Variants in MAGEC1 observed in about 807,000 individuals in gnomAD.
The protein encoded by MAGEC1 is melanoma-associated antigen C1.
A neutral mutation model predicts 1.5 loss-of-function variants in MAGEC1; 3 were observed. The ratio of observed to expected loss-of-function variants is 1.97; its 90% CI spans 0.90 to 5.10. MAGEC1 has a LOEUF of 5.10. Ranked by LOEUF, MAGEC1 falls within the 30% of genes most tolerant of loss-of-function variation. MAGEC1 has a pLI of 0.02. For missense variants in MAGEC1, 985 were observed against 803.1 expected (o/e 1.23, Z -2.74); for synonymous variants, 357 against 310.4 (o/e 1.15, Z -1.58).
At position 141,906,722 on chromosome X, in the gene MAGEC1, C is replaced by A. The variant is rs1480895438; in HGVS notation, c.1318C>A (p.Gln440Lys). The A allele has an allele frequency of 8.3e-7, 1 of 1,204,670 alleles. No homozygotes were observed. Among genetic ancestry groups the A allele is most frequent in the South Asian group, 1.8e-5 (1 of 56,414 alleles). The change falls in exon 4 of 4, where the codon CAG becomes AAG. Residue 440 changes from glutamine (Q) to lysine (K), a missense_variant. By Grantham distance (53) the Gln-to-Lys change is moderately conservative (BLOSUM62 1). Transcript: ENST00000285879. ...SAQSAFEGFP[Q>K]SPLQIPVSSS... ...TCAAAGTGCTTTTGAGGGTTTTCCC[C>A]AGTCTCCTCTCCAGATTCCTGTGAG...
rs1269790237 is a variant in MAGEC1 at position 141,907,585 on chromosome X, T to G, written c.2181T>G (p.Pro727=). The change falls in exon 4 of 4, where the codon CCT becomes CCG. Residue 727 remains proline (P), a synonymous_variant. Coordinates refer to ENST00000285879, the MANE Select transcript of MAGEC1 (RefSeq NM_005462.5). ...ACTCCCTCTCTCCTCTCCACTTTCC[T>G]CAGTTTCCTCCTCAGGGGGAGGACT... The part of the protein sequence containing the change: ...WEDSLSPLHF[P]QFPPQGEDFQ... The G allele has an allele frequency of 2.5e-6, 3 of 1,207,421 alleles. No homozygotes were observed. The highest frequency in any genetic ancestry group is 3.4e-6 in the Non-Finnish European group (3 of 893,699).
In MAGEC1 at chrX:141,906,175, G is replaced by C. The variant is rs143440588; in HGVS notation, c.771G>C (p.Gln257His). 9.4e-4 allele frequency: 632 copies of C among 671,640 alleles called. 88 individuals carry two copies. Among genetic ancestry groups the C allele is most frequent in the East Asian group, 5.1e-3 (140 of 27,367 alleles). The allele number at this position is 671,640 out of a possible 1,213,427, so 55.4% of individuals were successfully genotyped here. ...SLFQSFSERT[Q>H]STFEGFAQSS... ...TCCAGAGTTTCTCTGAGAGAACTCA[G>C]AGTACTTTTGAGGGTTTTGCCCAGT... The change falls in exon 4 of 4, where the codon CAG (glutamine) becomes CAC (histidine). Residue 257 changes from glutamine to histidine, a missense_variant. Gln to His is a conservative substitution (Grantham distance 24). Transcript: ENST00000285879.
rs745439865 is a variant in MAGEC1 at position 141,908,559 on chromosome X, A to T, written c.3155A>T (p.His1052Leu). 1 of 1,197,890 alleles carries T rather than the reference A, an allele frequency of 8.3e-7. No homozygotes were observed. Among genetic ancestry groups the T allele is most frequent in the Non-Finnish European group, 1.1e-6 (1 of 888,435 alleles). The change falls in exon 4 of 4, where the codon CAT becomes CTT. Residue 1052 changes from histidine (H) to leucine (L), a missense_variant. His to Leu is a moderately conservative substitution (Grantham distance 99). Coordinates refer to ENST00000285879, the MANE Select transcript of MAGEC1 (RefSeq NM_005462.5). ...ELLTKVWVQE[H>L]YLEYREVPNS... ...CTCACTAAAGTTTGGGTGCAGGAAC[A>T]TTACCTAGAGTACCGGGAGGTGCCC...
intron 3 of MAGEC1, 129 bp downstream of exon 3, chrX:141,905,205 T>TAAAG: frequency 9.4e-7 from 1 of 1,062,777 alleles, no homozygotes; most frequent in Middle Eastern, 2.5e-4. Context: ...CCTCTCTTTC[T>TAAAG]AAACCTTCCA....
Position 141,906,830 on chromosome X carries a change from T to C in MAGEC1, c.1426T>C (p.Ser476Pro). The C allele has an allele frequency of 8.3e-7, 1 of 1,206,178 alleles. No homozygotes were observed. Reference sequence around the variant, plus strand: ...CAGTACTTTTGAGGGTTTTCCCCAGTCTCCTCTCCAGATTCCTGTGAGCTC... The same window carrying C: ...CAGTACTTTTGAGGGTTTTCCCCAGCCTCCTCTCCAGATTCCTGTGAGCTC... The part of the protein sequence containing the change: ...THSTFEGFPQ[S>P]PLQIPVSSSS... Residue 476 changes from serine (S) to proline (P), a missense_variant, in exon 4 of 4, where the codon TCT (serine) becomes CCT (proline). Physicochemically the swap from Ser to Pro is moderately conservative, Grantham distance 74 (BLOSUM62 -1). Transcript: ENST00000285879.
rs1199562653 is a variant in MAGEC1 at position 141,906,463 on chromosome X, T to C, written c.1059T>C (p.Ile353=). The change falls in exon 4 of 4, where the codon ATT becomes ATC. Residue 353 remains isoleucine, a synonymous_variant. Coordinates refer to ENST00000285879, the MANE Select transcript of MAGEC1 (RefSeq NM_005462.5). ...CCTTCTCCTCTACTTTATTGAGTAT[T>C]TTCCAGAGTTCTCCTGAGAGTGCTC... is the stretch of plus-strand genomic sequence containing the variant. ...TSSFSSTLLS[I]FQSSPESAQS... 1 of 1,199,233 alleles carries C rather than the reference T, an allele frequency of 8.3e-7. No homozygotes were observed. The highest frequency in any genetic ancestry group is 1.1e-6 in the Non-Finnish European group (1 of 888,377).
At chrX:141,904,206 T>A (rs888073216) in intron 1 of MAGEC1, among the ~76,000 whole-genome samples, 2 of 111,608 alleles carry the variant, frequency 1.8e-5, no homozygotes, top group African/African-American at 6.5e-5. Context: ...GAGGACAGAT[T>A]CCCAGAGATT....
rs140267088 is a variant in MAGEC1, at chrX:141,907,166, G to A, written c.1762G>A (p.Asp588Asn). ...HYFPQSPQGE[D>N]SLSPHYFPQS... ...CTTTCCTCAGAGCCCTCAGGGGGAG[G>A]ACTCCCTGTCTCCTCACTACTTTCC... The change falls in exon 4 of 4, where the codon GAC becomes AAC. Residue 588 changes from aspartate (D) to asparagine (N), a missense_variant. Physicochemically the swap from Asp to Asn is conservative, Grantham distance 23. Coordinates refer to ENST00000285879, the MANE Select transcript of MAGEC1 (RefSeq NM_005462.5). 10 of 1,206,452 alleles carry A rather than the reference G, an allele frequency of 8.3e-6. No individual in the cohort carries two copies. In the African/African-American group the frequency reaches 1.2e-4, roughly 15 times the overall value.
In MAGEC1 at chrX:141,907,824, A is replaced by G. The variant is rs759881102; in HGVS notation, c.2420A>G (p.Gln807Arg). The G allele has an allele frequency of 8.3e-7, 1 of 1,208,809 alleles. No individual in the cohort carries two copies. Among genetic ancestry groups the G allele is most frequent in the East Asian group, 3.0e-5 (1 of 33,658 alleles). The stretch of plus-strand genomic sequence containing the variant: ...CAGAGTCCTCCTGAGGGGCCTGCCC[A>G]GTCTCCTCTCCAGAGTCCTGTGAGC... ...SPQSPPEGPA[Q>R]SPLQSPVSSF... The change falls in exon 4 of 4, where the codon CAG becomes CGG. Residue 807 changes from glutamine to arginine, a missense_variant. Transcript: ENST00000285879.
Position 141,908,907 on chromosome X carries a change from G to A in MAGEC1, c.*74G>A, listed in dbSNP as rs1927045749. 4.3e-6 allele frequency: 4 copies of A among 924,273 alleles called. No individual in the cohort carries two copies. Among genetic ancestry groups the A allele is most frequent in the Non-Finnish European group, 5.9e-6 (4 of 674,334 alleles). The allele number at this position is 924,273 out of a possible 1,213,427, so 76.2% of individuals were successfully genotyped here. A position where few individuals can be genotyped will look rare whatever the true frequency, so the allele number is the denominator to read the frequency against. ...TCTACGTGGTGGAGGGCCTGGTTGA[G>A]GCTGGAGAGAACACAGTGCTATTTG... On this transcript the variant is annotated 3_prime_UTR_variant, in exon 4 of 4. Transcript: ENST00000285879.
At position 141,905,631 on chromosome X, in the gene MAGEC1, C is replaced by T. The variant is rs1407971652; in HGVS notation, c.227C>T (p.Ser76Phe). ...CAGAGACCTCCTGAGGGGAAGGACT[C>T]CCAGTCTCCTCTCCAGATTCCCCAG... is the stretch of plus-strand genomic sequence containing the variant. The part of the protein sequence containing the change: ...PLQRPPEGKD[S>F]QSPLQIPQSS... The change falls in exon 4 of 4, where the codon TCC (serine) becomes TTC (phenylalanine). Residue 76 changes from serine (S) to phenylalanine (F), a missense_variant. Transcript: ENST00000285879. The T allele has an allele frequency of 8.3e-7, 1 of 1,208,565 alleles. No homozygotes were observed. The highest frequency in any genetic ancestry group is 1.1e-6 in the Non-Finnish European group (1 of 894,492).
chrX:141,907,459 G>A lies in MAGEC1; in HGVS notation c.2055G>A (p.Gly685=), dbSNP rs1442238301. Reference sequence around the variant, plus strand: ...AGAGTCCTGAGAGTGCTCCTGAGGGGGAGGATTCCCTGTCTCCTCTCCAAA... The same window carrying A: ...AGAGTCCTGAGAGTGCTCCTGAGGGAGAGGATTCCCTGTCTCCTCTCCAAA... ...PLQSPESAPE[G]EDSLSPLQIP... Residue 685 remains glycine (G), a synonymous_variant, in exon 4 of 4, where the codon GGG becomes GGA. Transcript: ENST00000285879. The A allele has an allele frequency of 1.0e-5, 12 of 1,202,284 alleles. No individual in the cohort carries two copies. Among genetic ancestry groups the A allele is most frequent in the South Asian group, 1.8e-5 (1 of 56,251 alleles).
chrX:141,904,863 G>C (rs1602639220), intron 2 of MAGEC1, 49 bp downstream of exon 2: 2 of 500,572 alleles, frequency 4.0e-6, no homozygotes, highest in East Asian at 7.2e-5. Context: ...CCCAGAAACA[G>C]GGCAGACCTG....
rs774002066 is a variant in MAGEC1 at position 141,907,587 on chromosome X, A to T, written c.2183A>T (p.Gln728Leu). Residue 728 changes from glutamine (Q) to leucine (L), a missense_variant, in exon 4 of 4, where the codon CAG becomes CTG. Gln to Leu is a moderately radical substitution (Grantham distance 113). Transcript: ENST00000285879. ...EDSLSPLHFP[Q>L]FPPQGEDFQS... ...TCCCTCTCTCCTCTCCACTTTCCTC[A>T]GTTTCCTCCTCAGGGGGAGGACTTC... is the stretch of plus-strand genomic sequence containing the variant. 6.7e-6 allele frequency: 8 copies of T among 1,202,307 alleles called. No individual in the cohort carries two copies. The highest frequency in any genetic ancestry group is 9.0e-6 in the Non-Finnish European group (8 of 891,864).
Position 141,908,914 on chromosome X carries a change from G to A in MAGEC1, c.*81G>A. ...GGTGGAGGGCCTGGTTGAGGCTGGA[G>A]AGAACACAGTGCTATTTGCATTTCT... On this transcript the variant is annotated 3_prime_UTR_variant, in exon 4 of 4. Coordinates refer to ENST00000285879, the MANE Select transcript of MAGEC1 (RefSeq NM_005462.5). The A allele has an allele frequency of 5.8e-6, 5 of 856,767 alleles. No individual in the cohort carries two copies. The South Asian group carries it at 1.4e-4, about 25-fold the overall frequency. The allele number at this position is 856,767 out of a possible 1,213,427, so 70.6% of individuals were successfully genotyped here. A position where few individuals can be genotyped will look rare whatever the true frequency, so the allele number is the denominator to read the frequency against.
chrX:141,904,988 C>G lies in MAGEC1; in HGVS notation c.-85C>G, dbSNP rs996967174. Reference sequence around the variant, plus strand: ...TCTACAGGTTCCCAGAAGACAAACCCCCTAGGAAGACAGGCGACCTGTGAG... The same window carrying G: ...TCTACAGGTTCCCAGAAGACAAACCGCCTAGGAAGACAGGCGACCTGTGAG... On this transcript the variant is annotated 5_prime_UTR_variant, in exon 3 of 4. Transcript: ENST00000285879. 8.3e-7 allele frequency: 1 copy of G among 1,198,738 alleles called. No individual in the cohort carries two copies. The highest frequency in any genetic ancestry group is 1.1e-6 in the Non-Finnish European group (1 of 884,542).
In MAGEC1 at chrX:141,908,152, G is replaced by T. The variant is rs749815753; in HGVS notation, c.2748G>T (p.Ala916=). The T allele has an allele frequency of 8.3e-7, 1 of 1,211,790 alleles. No individual in the cohort carries two copies. Among genetic ancestry groups the T allele is most frequent in the Non-Finnish European group, 1.1e-6 (1 of 895,520 alleles). Residue 916 remains alanine (A), a synonymous_variant, in exon 4 of 4, where the codon GCG becomes GCT. Coordinates refer to ENST00000285879, the MANE Select transcript of MAGEC1 (RefSeq NM_005462.5). The part of the protein sequence containing the change: ...YTLDEKVDEL[A]RFLLLKYQVK... ...TGGATGAAAAGGTGGACGAGTTGGC[G>T]CGGTTTCTTCTCCTCAAATATCAAG...
rs1484882166 is a variant in MAGEC1 at position 141,904,782 on chromosome X, G to T, written c.-136G>T. 2 of 389,224 alleles carry T rather than the reference G, an allele frequency of 5.1e-6. No individual in the cohort carries two copies. The highest frequency in any genetic ancestry group is 4.5e-6 in the Non-Finnish European group (1 of 222,697). 32.1% of individuals were successfully genotyped at this position (389,224 alleles called of 1,213,427 possible). On this transcript the variant is annotated 5_prime_UTR_variant, in exon 2 of 4. Transcript: ENST00000285879. ...ACACATACATCCTAAAAGCACCACAGCAGAGGAGGCCCAGGCAGTGCCAGG... is the reference window on the plus strand; with the variant it reads ...ACACATACATCCTAAAAGCACCACATCAGAGGAGGCCCAGGCAGTGCCAGG...
At chrX:141,905,125 C>A in intron 3 of MAGEC1, 49 bp downstream of exon 3, 7 of 1,193,441 alleles carry the variant, frequency 5.9e-6, no homozygotes, top group Non-Finnish European at 8.0e-6. Context: ...CTCCCTCAGT[C>A]CTGTGGGATC....
Sources: allele counts gnomAD v4.1 joint callset (sites outside exome capture counted in the v4.1 genomes callset), GRCh38; gene constraint gnomAD v4.1.1; transcripts MANE v1.5; gene names NCBI Gene and HGNC (gene_info 2026-07-23, HGNC 2026-07-21).